MED12L: variants seen among roughly 807,000 people sequenced by gnomAD.
The protein encoded by MED12L is mediator complex subunit 12L, also known as mediator of RNA polymerase II transcription subunit 12-like protein.
In MED12L, 60 loss-of-function variants were observed where a neutral mutation model predicts 281.3. The ratio of observed to expected loss-of-function variants is 0.21; its 90% confidence interval spans 0.17 to 0.26. The LOEUF is 0.26. Ranked by LOEUF, MED12L falls within the 10% of genes least tolerant of loss-of-function variation. The pLI is 1.00. For missense variants in MED12L, 2,146 were observed against 2,680.9 expected (o/e 0.80, Z 4.41); for synonymous variants, 974 against 987.2 (o/e 0.99, Z 0.25).
intron 28 of MED12L, 129 bp downstream of exon 28, chr3:151,376,343 T>A: frequency 1.4e-6 from 1 of 725,892 alleles, no homozygotes; most frequent in Non-Finnish European, 2.1e-6. Context: ...CCCACACATT[T>A]TCTGTGGAAT....
intron 22 of MED12L, 66 bp downstream of exon 22, chr3:151,365,272 T>C (rs1755140143): frequency 3.0e-6 from 4 of 1,327,256 alleles, no homozygotes; most frequent in Non-Finnish European, 4.3e-6. Context: ...TTCTTTGAAA[T>C]TGATGTCGTT....
Position 151,193,610 on chromosome 3 carries a change from T to C in MED12L, c.2194T>C (p.Ser732Pro). The change falls in exon 16 of 45, where the codon TCT becomes CCT. Residue 732 changes from serine to proline, a missense_variant. Transcript: ENST00000687756. ...AAAGCCAAGGGAATTAATTTTTCCA[T>C]CTAATTATGACCTCCTTCGCCACTT... ...REKPRELIFPSNYDLLRHLQY... is the reference protein window; with the variant it reads ...REKPRELIFPPNYDLLRHLQY... 1.2e-6 allele frequency: 2 copies of C among 1,614,128 alleles called. No individual in the cohort carries two copies. Among genetic ancestry groups the C allele is most frequent in the Middle Eastern group, 1.7e-4 (1 of 6,060 alleles).
At chr3:151,321,675 G>C (rs1292255972) in intron 16 of MED12L, among the ~76,000 whole-genome samples, 1 of 152,196 alleles carries the variant, frequency 6.6e-6, no homozygotes, top group Non-Finnish European at 1.5e-5. Context: ...ATATTTGTCA[G>C]TTTGAGTTGT....
chr3:151,385,719 GGGA>G (rs10534707), intron 36 of MED12L, among the ~76,000 whole-genome samples: 40,146 of 147,102 alleles, frequency 0.27, 6,519 homozygotes, highest in Non-Finnish European at 0.37. Flanking sequence ...TCTCTGGGGG[GGGA>G]AAAAAAAAAA....
chr3:151,435,267 T>A lies in MED12L; in HGVS notation c.*2463T>A, dbSNP rs1188387895. 2.6e-5 allele frequency: 4 copies of A among 152,058 alleles called. No individual in the cohort carries two copies. The highest frequency in any genetic ancestry group is 9.7e-5 in the African/African-American group (4 of 41,390). 9.4% of individuals were successfully genotyped at this position (152,058 alleles called of 1,614,324 possible). A position where few individuals can be genotyped will look rare whatever the true frequency, so the allele number is the denominator to read the frequency against. On this transcript the variant is annotated 3_prime_UTR_variant, in exon 45 of 45. Coordinates refer to ENST00000687756, the MANE Select transcript of MED12L (RefSeq NM_001393769.1). ...AGCTATACCTATCAATCAATCACAG[T>A]TCTTGGATATAAGAAGCCCATAGAC... is the stretch of plus-strand genomic sequence containing the variant.
chr3:151,273,843 A>G (rs993658140), intron 16 of MED12L, among the ~76,000 whole-genome samples: 2 of 152,218 alleles, frequency 1.3e-5, no homozygotes, highest in Admixed American at 6.5e-5. Flanking sequence ...TTGGTGATGC[A>G]GACTGTTGTT....
chr3:151,338,991 T>TATGA, intron 16 of MED12L: 1 of 744,078 alleles, frequency 1.3e-6, no homozygotes, highest in Admixed American at 2.2e-5. Flanking sequence ...TAGTAGTTAG[T>TATGA]ATGAACACAG....
chr3:151,158,908 G>A (rs568769755), intron 7 of MED12L, 109 bp downstream of exon 7: 13 of 732,592 alleles, frequency 1.8e-5, no homozygotes, highest in Admixed American at 8.0e-5. Flanking sequence ...CTGTTGAAAT[G>A]GAAGGAAAAA....
At chr3:151,211,205 A>G (rs955951506) in intron 16 of MED12L, among the ~76,000 whole-genome samples, 1 of 152,210 alleles carries the variant, frequency 6.6e-6, no homozygotes, top group Non-Finnish European at 1.5e-5. Context: ...TTGCATTGCT[A>G]TTCTGCTTTA....
At chr3:151,086,166 C>T (rs925597456) in intron 1 of MED12L, among the ~76,000 whole-genome samples, 3 of 152,170 alleles carry the variant, frequency 2.0e-5, no homozygotes, top group Non-Finnish European at 2.9e-5. Context: ...CAGCGCGCCT[C>T]GGCGCCTGCC....
intron 31 of MED12L, among the ~76,000 whole-genome samples, chr3:151,379,287 C>G (rs1233016765): frequency 6.6e-6 from 1 of 152,200 alleles, no homozygotes; most frequent in Non-Finnish European, 1.5e-5. Context: ...TGAAAGATCG[C>G]TCTTCCCACA....
At chr3:151,252,734 C>T (rs1253726906) in intron 16 of MED12L, among the ~76,000 whole-genome samples, 1 of 152,030 alleles carries the variant, frequency 6.6e-6, no homozygotes, top group Non-Finnish European at 1.5e-5. Flanking sequence ...ATTCAGTTTG[C>T]TATGCAGGAG....
At chr3:151,405,384 G>A (rs756209655) in intron 39 of MED12L, among the ~76,000 whole-genome samples, 8 of 152,188 alleles carry the variant, frequency 5.3e-5, no homozygotes, top group Non-Finnish European at 8.8e-5. Context: ...CTGAGCCATG[G>A]AAGCTTGAGC....
Position 151,377,094 on chromosome 3 carries a change from C to T in MED12L, c.4232C>T (p.Ser1411Phe), listed in dbSNP as rs1440019548. ...GCAGACCTAAATAATTCTTCTAATT[C>T]TGGCATGAGCCTCTTCAACCCAAAC... ...QSADLNNSSN[S>F]GMSLFNPNSI... is the part of the protein sequence containing the mutation. The change falls in exon 30 of 45, where the codon TCT (serine) becomes TTT (phenylalanine). Residue 1411 changes from serine (S) to phenylalanine (F), a missense_variant. Coordinates refer to ENST00000687756, the MANE Select transcript of MED12L (RefSeq NM_001393769.1). The T allele has an allele frequency of 3.1e-5, 50 of 1,613,974 alleles. No homozygotes were observed. The Admixed American group carries it at 8.3e-4, about 27-fold the overall frequency.
intron 16 of MED12L, among the ~76,000 whole-genome samples, chr3:151,318,353 CTT>C (rs1165440284): frequency 1.3e-3 from 105 of 80,224 alleles, no homozygotes; most frequent in African/African-American, 5.3e-3. Context: ...AGTTTCTTTT[CTT>C]TTCTTCTTTT....
intron 16 of MED12L, chr3:151,269,398 C>CAT (rs1491133140): frequency 0.054 from 120 of 2,210 alleles, no homozygotes; most frequent in African/African-American, 0.13. Flanking sequence ...GAAACTCCAT[C>CAT]ACACACACAC....
chr3:151,428,362 T>TTA (rs1347133007), intron 43 of MED12L, among the ~76,000 whole-genome samples: 1 of 152,222 alleles, frequency 6.6e-6, no homozygotes, highest in African/African-American at 2.4e-5. Context: ...TTTTTATTTT[T>TTA]CACTCTTGAT....
In MED12L at chr3:151,377,007, C is replaced by A. The variant is rs756162005; in HGVS notation, c.4145C>A (p.Ala1382Asp). 6.9e-5 allele frequency: 111 copies of A among 1,613,568 alleles called. No homozygotes were observed. The highest frequency in any genetic ancestry group is 9.0e-5 in the Non-Finnish European group (106 of 1,179,778). ...TAACTCTAGGGCTCTGGTTCTGTGG[C>A]CGAAATGAACAACTTACTGGACAAT... The part of the protein sequence containing the change: ...CLKDPGSGSV[A>D]EMNNLLDNIA... Residue 1382 changes from alanine (A) to aspartate (D), a missense_variant, in exon 30 of 45, where the codon GCC becomes GAC. Physicochemically the swap from Ala to Asp is moderately radical, Grantham distance 126. Coordinates refer to ENST00000687756, the MANE Select transcript of MED12L (RefSeq NM_001393769.1).
In MED12L at chr3:151,382,719, G is replaced by A. The variant is rs963370643; in HGVS notation, c.4654G>A (p.Glu1552Lys). The stretch of plus-strand genomic sequence containing the variant: ...CATAAAAGCGCGGCAGATGATGCAC[G>A]AAGCATTGCAACTCCGCCTAAATTT... ...DDIKARQMMHEALQLRLNLVG... is the reference protein window; with the variant it reads ...DDIKARQMMHKALQLRLNLVG... Residue 1552 changes from glutamate (E) to lysine (K), a missense_variant, in exon 33 of 45, where the codon GAA becomes AAA. Transcript: ENST00000687756. 3 of 1,612,342 alleles carry A rather than the reference G, an allele frequency of 1.9e-6. No individual in the cohort carries two copies. The highest frequency in any genetic ancestry group is 2.5e-6 in the Non-Finnish European group (3 of 1,179,188).
Sources: gnomAD v4.1 joint callset for allele counts (sites outside exome capture counted in the v4.1 genomes callset) on GRCh38, gnomAD v4.1.1 for gene constraint, MANE v1.5 for transcripts, NCBI Gene and HGNC (gene_info 2026-07-23, HGNC 2026-07-21) for gene names.